Variants in SLC25A15 observed in about 807,000 individuals in gnomAD.
SLC25A15 encodes mitochondrial ornithine transporter 1.
Under a neutral mutation model 32.3 loss-of-function variants are expected in SLC25A15, and 24 were observed. The observed-to-expected ratio is 0.74, with a 90% confidence interval of 0.54 to 1.04. The LOEUF is 1.04. SLC25A15 is among the 50% of genes least tolerant of loss of function. The probability of loss-of-function intolerance (pLI) is 0.00; values close to 1 mark genes in which losing one functional copy is unlikely to be tolerated. For missense variants in SLC25A15, 317 were observed against 374.5 expected (o/e 0.85, Z 1.27); for synonymous variants, 132 against 142.1 (o/e 0.93, Z 0.51).
intron 1 of SLC25A15, among the ~76,000 whole-genome samples, chr13:40,792,038 A>C (rs1419885706): frequency 6.6e-6 from 1 of 152,226 alleles, no homozygotes; most frequent in Non-Finnish European, 1.5e-5. Flanking sequence ...TTTGCAAATA[A>C]GTTACTAACA....
intron 3 of SLC25A15, among the ~76,000 whole-genome samples, chr13:40,803,034 G>A (rs984195275): frequency 2.0e-5 from 3 of 152,088 alleles, no homozygotes; most frequent in Non-Finnish European, 2.9e-5. Context: ...CATTGAATGG[G>A]TGTCAGGGAA....
At chr13:40,795,590 T>C (rs950752775) in intron 2 of SLC25A15, among the ~76,000 whole-genome samples, 1 of 151,770 alleles carries the variant, frequency 6.6e-6, no homozygotes, top group Non-Finnish European at 1.5e-5. Flanking sequence ...CTCACCGAGG[T>C]AGAGATGCTG....
chr13:40,808,819 C>T (rs1882309709), intron 6 of SLC25A15, among the ~76,000 whole-genome samples: 1 of 151,162 alleles, frequency 6.6e-6, no homozygotes, highest in Non-Finnish European at 1.5e-5. Context: ...CCTGTAGTCC[C>T]AGCTACTCGG....
rs573099150 is a variant in SLC25A15 at position 40,799,040 on chromosome 13, ATC to A, written c.56-15_56-14del. On this transcript the variant is annotated splice_polypyrimidine_tract_variant and intron_variant, in intron 2 of 6. Coordinates refer to ENST00000338625, the MANE Select transcript of SLC25A15 (RefSeq NM_014252.4). ...ACTGTAGCCTCGTACTAGAGCAGTCATCTGTCCTGATTGCAGGAGGTACAGCA... is the reference window on the plus strand; with the variant it reads ...ACTGTAGCCTCGTACTAGAGCAGTCATGTCCTGATTGCAGGAGGTACAGCA... 5.5e-5 allele frequency: 89 copies of A among 1,614,218 alleles called. 1 individual carries two copies. In the South Asian group the frequency reaches 8.9e-4, roughly 16 times the overall value.
rs1882411630 is a variant in SLC25A15 at position 40,810,759 on chromosome 13, T to G, written c.*1092T>G. ...TTCTCTCCCAAAGAACTTCCCTTCT[T>G]GGGCTTTAGATTGAGGAAGGGGCTG... On this transcript the variant is annotated 3_prime_UTR_variant, in exon 7 of 7. Coordinates refer to ENST00000338625, the MANE Select transcript of SLC25A15 (RefSeq NM_014252.4). The G allele has an allele frequency of 1.9e-6, 1 of 534,670 alleles. No homozygotes were observed. The highest frequency in any genetic ancestry group is 1.9e-5 in the Admixed American group (1 of 51,588). 33.1% of individuals were successfully genotyped at this position (534,670 alleles called of 1,614,324 possible).
rs771418874 is a variant in SLC25A15 at position 40,799,299 on chromosome 13, A to G, written c.298A>G (p.Lys100Glu). The G allele has an allele frequency of 7.4e-6, 12 of 1,614,084 alleles. No homozygotes were observed. Among genetic ancestry groups the G allele is most frequent in the Non-Finnish European group, 8.5e-6 (10 of 1,180,038 alleles). Reference sequence around the variant, plus strand: ...GGTGCGGAAAGTGGCTGGATTGGACAAGCAGGCAAAGCTGAGGTGAGTCAA... The same window carrying G: ...GGTGCGGAAAGTGGCTGGATTGGACGAGCAGGCAAAGCTGAGGTGAGTCAA... ...QVVRKVAGLD[K>E]QAKLSDLQNA... Residue 100 changes from lysine to glutamate, a missense_variant, in exon 3 of 7, where the codon AAG becomes GAG. Transcript: ENST00000338625.
At chr13:40,800,951 G>A (rs1041738720) in intron 3 of SLC25A15, among the ~76,000 whole-genome samples, 2 of 152,170 alleles carry the variant, frequency 1.3e-5, no homozygotes, top group African/African-American at 2.4e-5. Context: ...AGATGCGTAA[G>A]GCTGGGCACA....
At chr13:40,805,334 A>G (rs765258932) in intron 4 of SLC25A15, 79 bp downstream of exon 4, 2 of 1,549,014 alleles carry the variant, frequency 1.3e-6, no homozygotes, top group Non-Finnish European at 1.8e-6. Flanking sequence ...CATTGTACTA[A>G]AGTGGCAGAT....
At chr13:40,798,505 C>T (rs368000493) in intron 2 of SLC25A15, among the ~76,000 whole-genome samples, 43 of 152,240 alleles carry the variant, frequency 2.8e-4, no homozygotes, top group African/African-American at 9.6e-4. Flanking sequence ...TCCGTGGTGC[C>T]GGGTCTGATC....
intron 3 of SLC25A15, among the ~76,000 whole-genome samples, chr13:40,800,376 C>G (rs1048942794): frequency 1.3e-5 from 2 of 152,126 alleles, no homozygotes; most frequent in South Asian, 4.1e-4. Flanking sequence ...AAAGGGCAGG[C>G]AGGAAGGCAG....
intron 3 of SLC25A15, among the ~76,000 whole-genome samples, chr13:40,800,351 G>C (rs191930572): frequency 2.6e-5 from 4 of 152,296 alleles, no homozygotes; most frequent in Non-Finnish European, 5.9e-5. Context: ...TGAATGGGAT[G>C]AGCCTCCAGC....
chr13:40,809,490 G>T, intron 6 of SLC25A15, 53 bp from the exon 7 acceptor site: 1 of 1,610,234 alleles, frequency 6.2e-7, no homozygotes, highest in South Asian at 1.1e-5. Context: ...AGCTGCGTGG[G>T]TATCCCCAAA....
rs1196188088 is a variant in SLC25A15 at position 40,812,068 on chromosome 13, A to T, written c.*2401A>T. ...CTTTTCTCTCCATACTTAAATGGTC[A>T]GTAGCTACTGAGTGGTGCTTTATCT... is the stretch of plus-strand genomic sequence containing the variant. On this transcript the variant is annotated 3_prime_UTR_variant, in exon 7 of 7. Transcript: ENST00000338625. Among the ~76,000 whole-genome samples the T allele has an allele frequency of 6.6e-6, 1 of 152,210 alleles. No homozygotes were observed. The highest frequency in any genetic ancestry group is 1.5e-5 in the Non-Finnish European group (1 of 68,028).
rs1234965647 is a variant in SLC25A15 at position 40,799,333 on chromosome 13, ACT to A, written c.314+19_314+20del. On this transcript the variant is annotated intron_variant, in intron 3 of 6. Transcript: ENST00000338625. ...AAGCTGAGGTGAGTCAAGGACACAC[ACT>A]TTTTTTATTTGTTTAAAAAAACCCC... The A allele has an allele frequency of 9.9e-6, 16 of 1,613,964 alleles. No homozygotes were observed. The highest frequency in any genetic ancestry group is 1.3e-5 in the Non-Finnish European group (15 of 1,179,944).
intron 3 of SLC25A15, among the ~76,000 whole-genome samples, chr13:40,804,700 C>G (rs1390037158): frequency 6.8e-6 from 1 of 147,570 alleles, no homozygotes; most frequent in East Asian, 1.9e-4. Flanking sequence ...CACCACTACG[C>G]CCGGCTAATT....
intron 5 of SLC25A15, 145 bp downstream of exon 5, chr13:40,807,608 G>T: frequency 1.1e-6 from 1 of 902,082 alleles, no homozygotes; most frequent in South Asian, 1.4e-5. Context: ...ATGCCTGAAG[G>T]TAACATGGTG....
Position 40,799,157 on chromosome 13 carries a change from G to T in SLC25A15, c.156G>T (p.Leu52=), listed in dbSNP as rs1436102691. ...ACCGGGGCCTCACCGACTGCTGCCT[G>T]AAGACTTACTCCCAGGTGGGCTTCC... The part of the protein sequence containing the change: ...DLYRGLTDCC[L]KTYSQVGFRG... Residue 52 remains leucine (L), a synonymous_variant, in exon 3 of 7, where the codon CTG becomes CTT. Transcript: ENST00000338625. 6.2e-7 allele frequency: 1 copy of T among 1,614,058 alleles called. No homozygotes were observed. Among genetic ancestry groups the T allele is most frequent in the East Asian group, 2.2e-5 (1 of 44,898 alleles).
At position 40,812,171 on chromosome 13, in the gene SLC25A15, C is replaced by T. The variant is rs567801930; in HGVS notation, c.*2504C>T. ...GTAAACTGCTTCAGAGCCCACAGTCCCCTGCTCAGTGTCCGGAAAGAAGTC... is the reference window on the plus strand; with the variant it reads ...GTAAACTGCTTCAGAGCCCACAGTCTCCTGCTCAGTGTCCGGAAAGAAGTC... On this transcript the variant is annotated 3_prime_UTR_variant, in exon 7 of 7. Coordinates refer to ENST00000338625, the MANE Select transcript of SLC25A15 (RefSeq NM_014252.4). Among the ~76,000 whole-genome samples, 2 of 152,280 alleles carry T rather than the reference C, an allele frequency of 1.3e-5. No individual in the cohort carries two copies. The highest frequency in any genetic ancestry group is 1.3e-4 in the Admixed American group (2 of 15,296).
At chr13:40,799,900 C>T (rs1423247332) in intron 3 of SLC25A15, among the ~76,000 whole-genome samples, 1 of 152,204 alleles carries the variant, frequency 6.6e-6, no homozygotes, top group Non-Finnish European at 1.5e-5. Context: ...GAAATGTCTG[C>T]GAAGATGCAA....
Sources: gnomAD v4.1 joint callset for allele counts (sites outside exome capture counted in the v4.1 genomes callset) on GRCh38, gnomAD v4.1.1 for gene constraint, MANE v1.5 for transcripts, NCBI Gene and HGNC (gene_info 2026-07-23, HGNC 2026-07-21) for gene names.